The following ALPK2 variants were observed in gnomAD, a reference collection of about 807,000 sequenced individuals.
ALPK2 encodes alpha kinase 2, also known as alpha-protein kinase 2.
ALPK2 carries 127 observed loss-of-function variants against 163.1 expected under a neutral mutation model. The ratio of observed to expected loss-of-function variants is 0.78; its 90% confidence interval spans 0.67 to 0.90. The LOEUF (loss-of-function observed/expected upper bound fraction) is 0.90. Among genes scored for constraint, ALPK2 ranks in the 40% least tolerant of loss-of-function variants. ALPK2 has a pLI of 0.00. For synonymous variants in ALPK2, 953 were observed against 959.1 expected, an observed-to-expected ratio of 0.99 and a Z score of 0.12; for missense variants, 2,360 against 2,589.6, an observed-to-expected ratio of 0.91 and a Z score of 1.92.
chr18:58,524,879 C>A (rs1471358011), intron 6 of ALPK2, among the ~76,000 whole-genome samples: 1 of 147,042 alleles, frequency 6.8e-6, no homozygotes, highest in Non-Finnish European at 1.5e-5. Flanking sequence ...GCCCTCAAGT[C>A]TGGGATAATT....
At chr18:58,496,631 A>G (rs931104192) in intron 12 of ALPK2, among the ~76,000 whole-genome samples, 2 of 152,182 alleles carry the variant, frequency 1.3e-5, no homozygotes, top group Non-Finnish European at 2.9e-5. Context: ...CGTGGCTGAC[A>G]CTGATGGTCT....
rs748867761 is a variant in ALPK2, at chr18:58,481,577, A to G, written c.*246T>C. ...AAAATGCTAAACATGTATATAAAGA[A>G]TGGACTGTCTTTGAGACCAATCGTT... On this transcript the variant is annotated 3_prime_UTR_variant, in exon 13 of 13. Coordinates refer to ENST00000361673, the MANE Select transcript of ALPK2 (RefSeq NM_052947.4). The G allele has an allele frequency of 1.5e-5, 8 of 534,310 alleles. No individual in the cohort carries two copies. Among genetic ancestry groups the G allele is most frequent in the Non-Finnish European group, 2.7e-5 (8 of 297,108 alleles). The allele number at this position is 534,310 out of a possible 1,614,324, so 33.1% of individuals were successfully genotyped here.
At chr18:58,530,977 G>T (rs1438582904) in intron 5 of ALPK2, among the ~76,000 whole-genome samples, 1 of 152,020 alleles carries the variant, frequency 6.6e-6, no homozygotes, top group Non-Finnish European at 1.5e-5. Context: ...GAGGCAGGAG[G>T]GTCACCTGAG....
chr18:58,611,839 G>A (rs750896116), intron 1 of ALPK2, 22 bp from the exon 2 acceptor site: 25 of 1,303,048 alleles, frequency 1.9e-5, no homozygotes, highest in South Asian at 7.9e-5. Context: ...AAAAATCCCC[G>A]ACATCACCAT....
At chr18:58,612,174 T>A (rs2052136233) in intron 1 of ALPK2, among the ~76,000 whole-genome samples, 1 of 152,176 alleles carries the variant, frequency 6.6e-6, no homozygotes, top group African/African-American at 2.4e-5. Context: ...CCTATTGTCC[T>A]AGGCAGACCC....
At chr18:58,547,440 C>T (rs2051723254) in intron 4 of ALPK2, among the ~76,000 whole-genome samples, 1 of 152,194 alleles carries the variant, frequency 6.6e-6, no homozygotes, top group African/African-American at 2.4e-5. Context: ...CCTCTGCCTC[C>T]CTGGTCTCTT....
intron 8 of ALPK2, among the ~76,000 whole-genome samples, chr18:58,521,625 C>CTTTTTTT (rs1375364902): frequency 3.8e-4 from 19 of 50,550 alleles, no homozygotes; most frequent in Admixed American, 5.2e-4. Context: ...CTTTCTCTCT[C>CTTTTTTT]TCTTTTTTTT....
intron 4 of ALPK2, among the ~76,000 whole-genome samples, chr18:58,562,128 C>T (rs1189100246): frequency 5.3e-5 from 8 of 152,186 alleles, no homozygotes; most frequent in Admixed American, 1.3e-4. Context: ...GTTAATTAAC[C>T]TCTTTGAGCG....
chr18:58,518,947 C>A (rs566186145), intron 8 of ALPK2, among the ~76,000 whole-genome samples: 39 of 152,322 alleles, frequency 2.6e-4, no homozygotes, highest in Non-Finnish European at 4.7e-4. Context: ...TATACATGTT[C>A]ATAAACTTGT....
chr18:58,570,772 G>C (rs2051881682), intron 4 of ALPK2, among the ~76,000 whole-genome samples: 1 of 152,140 alleles, frequency 6.6e-6, no homozygotes, highest in Non-Finnish European at 1.5e-5. Context: ...TTTCCAAATA[G>C]CACATAATAG....
intron 4 of ALPK2, among the ~76,000 whole-genome samples, chr18:58,574,757 G>C (rs1316710291): frequency 6.6e-6 from 1 of 152,130 alleles, no homozygotes; most frequent in Non-Finnish European, 1.5e-5. Flanking sequence ...GGGACTGCTG[G>C]TTTGAAACAA....
At chr18:58,566,648 T>G (rs2144182924) in intron 4 of ALPK2, 1 of 152,278 alleles carries the variant, frequency 6.6e-6, no homozygotes, top group African/African-American at 2.4e-5. Flanking sequence ...ACTGAACTAC[T>G]CCTCAAAATA....
At chr18:58,569,210 G>A (rs1183268191) in intron 4 of ALPK2, among the ~76,000 whole-genome samples, 2 of 152,134 alleles carry the variant, frequency 1.3e-5, no homozygotes, top group African/African-American at 4.8e-5. Flanking sequence ...TTGGGGGGGA[G>A]AAAAAGTTTC....
chr18:58,580,086 A>G lies in ALPK2; in HGVS notation c.690T>C (p.Cys230=), dbSNP rs746588195. Residue 230 remains cysteine (C), a synonymous_variant, in exon 4 of 13, where the codon TGT becomes TGC. Transcript: ENST00000361673. ...SSHIYEKQDR[C]CHKTVHSMAS... is the part of the protein sequence containing the mutation. ...CCATGGAATGCACTGTCTTGTGGCA[A>G]CATCTGTCTTGTTTTTCATAAATAT... 1.2e-5 allele frequency: 19 copies of G among 1,614,156 alleles called. No individual in the cohort carries two copies. The Admixed American group carries it at 3.2e-4, about 27-fold the overall frequency.
At position 58,504,093 on chromosome 18, in the gene ALPK2, C is replaced by G. The variant is rs373484161; in HGVS notation, c.6085G>C (p.Val2029Leu). 17 of 1,614,124 alleles carry G rather than the reference C, an allele frequency of 1.1e-5. No homozygotes were observed. Among genetic ancestry groups the G allele is most frequent in the Non-Finnish European group, 1.4e-5 (16 of 1,180,048 alleles). Residue 2029 changes from valine to leucine, a missense_variant, in exon 11 of 13, where the codon GTG becomes CTG. Physicochemically the swap from Val to Leu is conservative, Grantham distance 32. Transcript: ENST00000361673. The part of the protein sequence containing the change: ...RPENNIPYAT[V>L]EEELIGEFVK... The stretch of plus-strand genomic sequence containing the variant: ...AATTCTCCAATCAGCTCCTCCTCCA[C>G]TGTAGCATACGGGATATTGTTCTCA...
At chr18:58,610,106 T>G (rs765686744) in intron 2 of ALPK2, among the ~76,000 whole-genome samples, 5 of 151,608 alleles carry the variant, frequency 3.3e-5, no homozygotes, top group Non-Finnish European at 7.4e-5. Context: ...GAAACCCCAT[T>G]CTACTAAAAA....
intron 3 of ALPK2, among the ~76,000 whole-genome samples, chr18:58,603,912 C>A (rs2052084910): frequency 6.6e-6 from 1 of 152,094 alleles, no homozygotes; most frequent in Admixed American, 6.5e-5. Flanking sequence ...TTTCTCTTCC[C>A]TGCCAAGCAC....
At chr18:58,570,169 C>G (rs2144186922) in intron 4 of ALPK2, among the ~76,000 whole-genome samples, 1 of 151,982 alleles carries the variant, frequency 6.6e-6, no homozygotes, top group South Asian at 2.1e-4. Flanking sequence ...CTCCGCCCTT[C>G]CCATCATCGG....
chr18:58,603,628 G>A (rs1341296096), intron 3 of ALPK2, among the ~76,000 whole-genome samples: 2 of 152,152 alleles, frequency 1.3e-5, no homozygotes, highest in Non-Finnish European at 2.9e-5. Context: ...TGAGGAGGGG[G>A]TATATCTAAG....
Sources: gnomAD v4.1 joint callset for allele counts (sites outside exome capture counted in the v4.1 genomes callset) on GRCh38, gnomAD v4.1.1 for gene constraint, MANE v1.5 for transcripts, NCBI Gene and HGNC (gene_info 2026-07-23, HGNC 2026-07-21) for gene names.